SEZ6L: variants seen among roughly 807,000 people sequenced by gnomAD.
The protein encoded by SEZ6L is seizure related 6 homolog like, also known as seizure 6-like protein.
A neutral mutation model predicts 106.2 loss-of-function variants in SEZ6L; 37 were observed. That is an observed-to-expected ratio of 0.35 (90% CI 0.27 to 0.46). The LOEUF is 0.46. SEZ6L is among the 20% of genes least tolerant of loss of function. The pLI is 1.00. For synonymous variants in SEZ6L, 541 were observed against 570.4 expected, an observed-to-expected ratio of 0.95 and a Z score of 0.73; for missense variants, 1,172 against 1,332.8, an observed-to-expected ratio of 0.88 and a Z score of 1.88.
chr22:26,234,976 A>C (rs948782370), intron 1 of SEZ6L, among the ~76,000 whole-genome samples: 7 of 152,166 alleles, frequency 4.6e-5, no homozygotes, highest in African/African-American at 1.7e-4. Context: ...GAATTCAATA[A>C]ATGTTAGTGT....
intron 11 of SEZ6L, among the ~76,000 whole-genome samples, 197 bp downstream of exon 11, chr22:26,348,110 G>A (rs1239003099): frequency 6.6e-6 from 1 of 152,114 alleles, no homozygotes; most frequent in Non-Finnish European, 1.5e-5. Flanking sequence ...TCAGAAACCT[G>A]GACCATAATG....
intron 10 of SEZ6L, among the ~76,000 whole-genome samples, chr22:26,344,121 C>G (rs5752309): frequency 0.19 from 28,259 of 152,096 alleles, 2,880 homozygotes; most frequent in South Asian, 0.36. Flanking sequence ...TCTGAAGATC[C>G]TATATTGACC....
At position 26,311,940 on chromosome 22, in the gene SEZ6L, T is replaced by C. The variant is rs1283207919; in HGVS notation, c.1854T>C (p.Asn618=). The C allele has an allele frequency of 3.1e-6, 5 of 1,614,012 alleles. No homozygotes were observed. The highest frequency in any genetic ancestry group is 1.6e-4 in the Middle Eastern group (1 of 6,062). Residue 618 remains asparagine (N), a synonymous_variant, in exon 8 of 17, where the codon AAT becomes AAC. Coordinates refer to ENST00000248933, the MANE Select transcript of SEZ6L (RefSeq NM_021115.5). ...TCAATGTGCGGGACCCATACTGGAA[T>C]GACACAGAGCCCCTGTGCAGAGGTG... ...ECINVRDPYW[N]DTEPLCRAMC...
At chr22:26,221,205 A>T (rs888170061) in intron 1 of SEZ6L, among the ~76,000 whole-genome samples, 6 of 152,010 alleles carry the variant, frequency 3.9e-5, no homozygotes, top group African/African-American at 9.7e-5. Context: ...CCTTCCCTTC[A>T]TCCTTCAAAC....
chr22:26,172,863 CT>C lies in SEZ6L; in HGVS notation c.94+3105del, dbSNP rs1938720547. Among the ~76,000 whole-genome samples the C allele has an allele frequency of 2.0e-5, 3 of 152,268 alleles. No homozygotes were observed. In the South Asian group the frequency reaches 6.2e-4, roughly 32 times the overall value. On this transcript the variant is annotated intron_variant, in intron 1 of 16. Transcript: ENST00000248933. ...CAAGGAAAATGTCAATCCAACTGCCCTTTTTGTATTTTTGCAGTTTTCTTCA... is the reference window on the plus strand; with the variant it reads ...CAAGGAAAATGTCAATCCAACTGCCCTTTTGTATTTTTGCAGTTTTCTTCA...
At chr22:26,331,876 G>C (rs2082490288) in intron 9 of SEZ6L, among the ~76,000 whole-genome samples, 1 of 152,074 alleles carries the variant, frequency 6.6e-6, no homozygotes, top group African/African-American at 2.4e-5. Flanking sequence ...CCAGTTACTT[G>C]GGAGGCTGAG....
intron 1 of SEZ6L, among the ~76,000 whole-genome samples, chr22:26,201,720 C>A (rs1423854257): frequency 6.6e-6 from 1 of 152,168 alleles, no homozygotes; most frequent in Non-Finnish European, 1.5e-5. Context: ...CCTTGGTTTT[C>A]TTATCTTTAA....
At chr22:26,197,743 T>C (rs1940671466) in intron 1 of SEZ6L, among the ~76,000 whole-genome samples, 1 of 152,190 alleles carries the variant, frequency 6.6e-6, no homozygotes, top group Admixed American at 6.5e-5. Context: ...ACAGGCTTCC[T>C]TCCTAGGTGA....
At chr22:26,259,765 C>A (rs1432983294) in intron 1 of SEZ6L, among the ~76,000 whole-genome samples, 2 of 152,106 alleles carry the variant, frequency 1.3e-5, no homozygotes, top group Non-Finnish European at 2.9e-5. Context: ...GCTTGCAGGG[C>A]CACCTTCTAA....
intron 9 of SEZ6L, among the ~76,000 whole-genome samples, chr22:26,324,462 T>G (rs1454130068): frequency 1.3e-5 from 2 of 152,294 alleles, no homozygotes; most frequent in East Asian, 3.9e-4. Flanking sequence ...TTCCAAGCCC[T>G]AAAAATTAAG....
At chr22:26,171,523 T>C (rs561902720) in intron 1 of SEZ6L, among the ~76,000 whole-genome samples, 11 of 152,216 alleles carry the variant, frequency 7.2e-5, no homozygotes, top group Non-Finnish European at 1.6e-4. Flanking sequence ...AAAAATTGTC[T>C]TAATGGCACG....
chr22:26,369,617 G>C (rs1429296566), intron 13 of SEZ6L, among the ~76,000 whole-genome samples: 2 of 152,036 alleles, frequency 1.3e-5, no homozygotes, highest in South Asian at 4.2e-4. Context: ...TGGGATTACA[G>C]GCGGAGTCAC....
At chr22:26,232,140 T>C (rs2078817236) in intron 1 of SEZ6L, among the ~76,000 whole-genome samples, 1 of 152,106 alleles carries the variant, frequency 6.6e-6, no homozygotes, top group Non-Finnish European at 1.5e-5. Context: ...AGTGAAGGCG[T>C]AACACAGTTC....
intron 1 of SEZ6L, among the ~76,000 whole-genome samples, chr22:26,234,156 G>T (rs899082458): frequency 3.9e-5 from 6 of 152,192 alleles, no homozygotes; most frequent in African/African-American, 1.4e-4. Context: ...TGGAAACTGG[G>T]GTGTCAGGAT....
At chr22:26,346,801 G>C (rs1033507392) in intron 10 of SEZ6L, among the ~76,000 whole-genome samples, 1 of 152,170 alleles carries the variant, frequency 6.6e-6, no homozygotes, top group Non-Finnish European at 1.5e-5. Flanking sequence ...ATTCAATAGA[G>C]AGCAAGAAGA....
chr22:26,180,487 T>C (rs1007021861), intron 1 of SEZ6L, among the ~76,000 whole-genome samples: 6 of 152,258 alleles, frequency 3.9e-5, no homozygotes, highest in African/African-American at 1.4e-4. Flanking sequence ...GAATGAATGA[T>C]ATGCAGTCTT....
At chr22:26,346,130 C>T (rs1006549858) in intron 10 of SEZ6L, among the ~76,000 whole-genome samples, 1 of 152,030 alleles carries the variant, frequency 6.6e-6, no homozygotes. Context: ...CAGACTCAAG[C>T]AATCCTCCCA....
At chr22:26,244,976 T>A (rs935333159) in intron 1 of SEZ6L, among the ~76,000 whole-genome samples, 7 of 152,166 alleles carry the variant, frequency 4.6e-5, no homozygotes, top group South Asian at 2.1e-4. Context: ...GGAAATGACA[T>A]GATCTGAACT....
intron 1 of SEZ6L, among the ~76,000 whole-genome samples, chr22:26,287,530 C>T (rs546521271): frequency 1.6e-4 from 25 of 152,110 alleles, no homozygotes; most frequent in Non-Finnish European, 2.6e-4. Context: ...CAGCGGTCAT[C>T]GGACACCAAG....
Sources: gnomAD v4.1 joint callset for allele counts (sites outside exome capture counted in the v4.1 genomes callset) on GRCh38, gnomAD v4.1.1 for gene constraint, MANE v1.5 for transcripts, NCBI Gene and HGNC (gene_info 2026-07-23, HGNC 2026-07-21) for gene names.